Variants in PEAK1 observed in about 807,000 individuals in gnomAD.
PEAK1 encodes pseudopodium enriched atypical kinase 1.
In PEAK1, 54 loss-of-function variants were observed where a neutral mutation model predicts 124.7. That is an observed-to-expected ratio of 0.43 (90% CI 0.35 to 0.54). The LOEUF (loss-of-function observed/expected upper bound fraction) is 0.54. PEAK1 is among the 20% of genes least tolerant of loss of function. The pLI, the probability that PEAK1 is intolerant of heterozygous loss-of-function variation, is 0.01. For missense variants in PEAK1, 2,046 were observed against 2,134.5 expected, an observed-to-expected ratio of 0.96 and a Z score of 0.82; for synonymous variants, 719 against 760.0, an observed-to-expected ratio of 0.95 and a Z score of 0.89.
chr15:77,163,914 TC>T (rs1355610394), intron 7 of PEAK1, among the ~76,000 whole-genome samples: 1 of 152,140 alleles, frequency 6.6e-6, no homozygotes, highest in Non-Finnish European at 1.5e-5. Context: ...CAAAACGTCA[TC>T]GTTTTGTTAC....
intron 5 of PEAK1, among the ~76,000 whole-genome samples, chr15:77,277,552 C>T (rs937147473): frequency 6.6e-6 from 1 of 152,076 alleles, no homozygotes; most frequent in African/African-American, 2.4e-5. Flanking sequence ...TATGGTACTT[C>T]TCTGTACTAT....
chr15:77,409,127 A>G, intron 1 of PEAK1, among the ~76,000 whole-genome samples: 1 of 152,204 alleles, frequency 6.6e-6, no homozygotes, highest in Admixed American at 6.5e-5. Flanking sequence ...TTCCCTTGCG[A>G]TAACAAAACT....
Position 77,337,452 on chromosome 15 carries a change from T to G in PEAK1, c.-603+27711A>C, listed in dbSNP as rs2066273427. Reference sequence around the variant, plus strand: ...AATTTGATGATTTCTCTGAAATTAATAGGTCTGTAACATCATCCAGAGATT... The same window carrying G: ...AATTTGATGATTTCTCTGAAATTAAGAGGTCTGTAACATCATCCAGAGATT... On this transcript the variant is annotated intron_variant, in intron 2 of 9. Coordinates refer to ENST00000682557, the MANE Select transcript of PEAK1 (RefSeq NM_001385026.1). The G allele has an allele frequency of 4.1e-6, 4 of 976,318 alleles. No individual in the cohort carries two copies. The South Asian group carries it at 1.9e-4, about 46-fold the overall frequency. 60.5% of individuals were successfully genotyped at this position (976,318 alleles called of 1,614,324 possible). A position where few individuals can be genotyped will look rare whatever the true frequency, so the allele number is the denominator to read the frequency against.
At chr15:77,231,996 C>T (rs1415780898) in intron 6 of PEAK1, among the ~76,000 whole-genome samples, 1 of 152,110 alleles carries the variant, frequency 6.6e-6, no homozygotes. Context: ...ACTATTATGA[C>T]CCAAAGCAAT....
At chr15:77,197,794 T>G (rs979772338) in intron 6 of PEAK1, among the ~76,000 whole-genome samples, 1 of 152,148 alleles carries the variant, frequency 6.6e-6, no homozygotes, top group Non-Finnish European at 1.5e-5. Flanking sequence ...CAGACTACAG[T>G]TGACCCTTGA....
intron 5 of PEAK1, among the ~76,000 whole-genome samples, chr15:77,267,748 T>C (rs2061814007): frequency 6.6e-6 from 1 of 152,094 alleles, no homozygotes; most frequent in Non-Finnish European, 1.5e-5. Context: ...TTTGATATAG[T>C]ATACCCGAAT....
intron 2 of PEAK1, among the ~76,000 whole-genome samples, chr15:77,313,553 A>G (rs1597244735): frequency 6.7e-6 from 1 of 149,562 alleles, no homozygotes; most frequent in African/African-American, 2.5e-5. Flanking sequence ...CGCAACCTCC[A>G]CCTCCTGGGT....
chr15:77,117,454 C>A (rs1301189533), intron 9 of PEAK1, among the ~76,000 whole-genome samples: 1 of 152,196 alleles, frequency 6.6e-6, no homozygotes, highest in Non-Finnish European at 1.5e-5. Context: ...AAATGCAACA[C>A]TGATAATGAC....
intron 2 of PEAK1, among the ~76,000 whole-genome samples, chr15:77,324,440 C>T (rs975168875): frequency 2.6e-5 from 4 of 152,130 alleles, no homozygotes; most frequent in Non-Finnish European, 5.9e-5. Flanking sequence ...GAGATCACAC[C>T]ACTGGGCGAC....
At chr15:77,286,103 C>T (rs2062918246) in intron 3 of PEAK1, among the ~76,000 whole-genome samples, 2 of 152,110 alleles carry the variant, frequency 1.3e-5, no homozygotes, top group South Asian at 2.1e-4. Context: ...TTTATTTCTG[C>T]CTTCATTTCG....
chr15:77,172,388 G>A (rs1280434392), intron 7 of PEAK1, among the ~76,000 whole-genome samples: 2 of 152,150 alleles, frequency 1.3e-5, no homozygotes, highest in African/African-American at 4.8e-5. Context: ...TGAGGTCATG[G>A]TGGCAGATAT....
rs539536403 is a variant in PEAK1 at position 77,197,216 on chromosome 15, T to A, written c.-114-15176A>T. 2.6e-4 allele frequency among the ~76,000 whole-genome samples: 39 copies of A among 152,208 alleles called. No individual in the cohort carries two copies. In the South Asian group the frequency reaches 8.1e-3, roughly 32 times the overall value. On this transcript the variant is annotated intron_variant, in intron 6 of 9. Transcript: ENST00000682557. ...CTTGTTTCTGATACATGGCAATAGA[T>A]ATTGCTTAAAATGAGAATATCACCC...
intron 1 of PEAK1, chr15:77,402,893 G>C: frequency 1.0e-6 from 1 of 985,390 alleles, no homozygotes; most frequent in Non-Finnish European, 1.2e-6. Context: ...GACTCAGTGA[G>C]TGGGCAGTTG....
intron 1 of PEAK1, among the ~76,000 whole-genome samples, chr15:77,378,443 A>G (rs2069210664): frequency 1.3e-5 from 2 of 152,102 alleles, no homozygotes; most frequent in South Asian, 4.1e-4. Flanking sequence ...TCTAACTGCC[A>G]GGAATCTTGC....
chr15:77,223,073 T>C (rs561624676), intron 6 of PEAK1, among the ~76,000 whole-genome samples: 16 of 152,136 alleles, frequency 1.1e-4, no homozygotes, highest in Non-Finnish European at 2.2e-4. Context: ...GCAATAATTT[T>C]AATTATAATT....
At chr15:77,315,985 G>A (rs1388798096) in intron 2 of PEAK1, among the ~76,000 whole-genome samples, 1 of 152,050 alleles carries the variant, frequency 6.6e-6, no homozygotes, top group East Asian at 1.9e-4. Flanking sequence ...TGTAACAAAT[G>A]CACCATAAGA....
chr15:77,154,445 C>G (rs2054938856), intron 8 of PEAK1, among the ~76,000 whole-genome samples: 1 of 152,072 alleles, frequency 6.6e-6, no homozygotes, highest in Admixed American at 6.5e-5. Context: ...ATCCAATTTG[C>G]CAGTCTGTGT....
chr15:77,352,685 A>G (rs2067280033), intron 2 of PEAK1: 1 of 949,502 alleles, frequency 1.1e-6, no homozygotes, highest in Admixed American at 6.2e-5. Flanking sequence ...TATTAACCTG[A>G]AATTTTTAAA....
At chr15:77,333,346 C>A (rs1343002867) in intron 2 of PEAK1, 1 of 983,090 alleles carries the variant, frequency 1.0e-6, no homozygotes, top group East Asian at 1.1e-4. Flanking sequence ...CTTCTATATA[C>A]AACCAACATG....
Sources: gnomAD v4.1 joint callset for allele counts (sites outside exome capture counted in the v4.1 genomes callset) on GRCh38, gnomAD v4.1.1 for gene constraint, MANE v1.5 for transcripts, NCBI Gene and HGNC (gene_info 2026-07-23, HGNC 2026-07-21) for gene names.